PXK: variants seen among roughly 807,000 people sequenced by gnomAD.
The protein encoded by PXK is PX domain containing serine/threonine kinase like.
PXK carries 35 observed loss-of-function variants against 84.7 expected under a neutral mutation model. That is an observed-to-expected ratio of 0.41 (90% CI 0.32 to 0.55). The LOEUF (loss-of-function observed/expected upper bound fraction) is 0.55, where lower values mean the gene tolerates loss of function less well. Ranked by LOEUF, PXK falls within the 20% of genes least tolerant of loss-of-function variation. The pLI is 0.21. For synonymous variants in PXK, 253 were observed against 260.8 expected (o/e 0.97, Z 0.29); for missense variants, 634 against 699.7 (o/e 0.91, Z 1.06).
intron 13 of PXK, among the ~76,000 whole-genome samples, chr3:58,408,540 T>C (rs996305162): frequency 1.4e-5 from 2 of 145,942 alleles, no homozygotes; most frequent in African/African-American, 4.9e-5. Context: ...TTTTTTTTTT[T>C]GAGATGGAGT....
At position 58,348,370 on chromosome 3, in the gene PXK, T is replaced by C. The variant is rs554494417; in HGVS notation, c.102+15280T>C. On this transcript the variant is annotated intron_variant, in intron 1 of 17. Transcript: ENST00000356151. ...CCTTCTGAACCACAGAACCAGACAA[T>C]GATTTGTGTGACCGTTTTCTCAGTT... Among the ~76,000 whole-genome samples the C allele has an allele frequency of 1.3e-4, 20 of 152,280 alleles. No individual in the cohort carries two copies. The South Asian group carries it at 4.1e-3, about 32-fold the overall frequency.
Position 58,397,779 on chromosome 3 carries a change from T to A in PXK, c.1102+57T>A. ...CCCTAGTAGTGTGCAGAGCCACTCATCCCCTTTCCAGAGTCCAGGAAAGAC... is the reference window on the plus strand; with the variant it reads ...CCCTAGTAGTGTGCAGAGCCACTCAACCCCTTTCCAGAGTCCAGGAAAGAC... On this transcript the variant is annotated intron_variant, in intron 11 of 17. Coordinates refer to ENST00000356151, the MANE Select transcript of PXK (RefSeq NM_017771.5). This position sits in a 1 kb window ranked among gnomAD's most constrained non-coding sequence, Gnocchi z 4.7. The A allele has an allele frequency of 7.2e-7, 1 of 1,393,560 alleles. No individual in the cohort carries two copies. Among genetic ancestry groups the A allele is most frequent in the Non-Finnish European group, 1.0e-6 (1 of 984,500 alleles). The allele number at this position is 1,393,560 out of a possible 1,614,324, so 86.3% of individuals were successfully genotyped here. A position where few individuals can be genotyped will look rare whatever the true frequency, so the allele number is the denominator to read the frequency against.
At chr3:58,341,120 T>C (rs1308921343) in intron 1 of PXK, among the ~76,000 whole-genome samples, 1 of 152,124 alleles carries the variant, frequency 6.6e-6, no homozygotes, top group African/African-American at 2.4e-5. Flanking sequence ...ACTTTTGACT[T>C]AGGAGTATGG....
intron 13 of PXK, 32 bp from the exon 14 acceptor site, chr3:58,408,892 T>C (rs1294027510): frequency 6.7e-7 from 1 of 1,485,532 alleles, no homozygotes. Context: ...GCCACCTTTT[T>C]CAATAGATGA....
intron 3 of PXK, among the ~76,000 whole-genome samples, chr3:58,380,054 T>C (rs558640047): frequency 2.6e-5 from 4 of 151,652 alleles, no homozygotes; most frequent in African/African-American, 7.3e-5. Flanking sequence ...ATTGAAAAAA[T>C]AGGAGTTTCA....
rs2058209514 is a variant in PXK, at chr3:58,399,325, T to C, written c.1129T>C (p.Cys377Arg). The C allele has an allele frequency of 1.2e-6, 2 of 1,614,072 alleles. No individual in the cohort carries two copies. Among genetic ancestry groups the C allele is most frequent in the Admixed American group, 1.7e-5 (1 of 60,002 alleles). The part of the protein sequence containing the change: ...VVAVLESTLS[C>R]EACKNGMPTI... ...GGCCGTGTTGGAGTCTACGCTGTCTTGTGAAGCCTGTAAAAATGGCATGCC... is the reference window on the plus strand; with the variant it reads ...GGCCGTGTTGGAGTCTACGCTGTCTCGTGAAGCCTGTAAAAATGGCATGCC... Residue 377 changes from cysteine to arginine, a missense_variant, in exon 12 of 18, where the codon TGT becomes CGT. Physicochemically the swap from Cys to Arg is radical, Grantham distance 180. Coordinates refer to ENST00000356151, the MANE Select transcript of PXK (RefSeq NM_017771.5). The surrounding 1 kb of genome is among the most constrained non-coding windows in gnomAD (Gnocchi z 4.3).
Position 58,332,915 on chromosome 3 carries a change from C to G in PXK, c.-74C>G, listed in dbSNP as rs553329648. On this transcript the variant is annotated 5_prime_UTR_variant, in exon 1 of 18. Transcript: ENST00000356151. The surrounding 1 kb of genome is among the most constrained non-coding windows in gnomAD (Gnocchi z 5.6). ...GTGTTGACAGCGGCGGCGGTGGAAC[C>G]GGGCGGGCGGCGGGAGTCGGCGCCT... The G allele has an allele frequency of 2.0e-6, 2 of 988,832 alleles. No individual in the cohort carries two copies. Among genetic ancestry groups the G allele is most frequent in the Non-Finnish European group, 1.3e-6 (1 of 771,144 alleles). 61.3% of individuals were successfully genotyped at this position (988,832 alleles called of 1,614,324 possible).
chr3:58,344,238 T>C (rs915107147), intron 1 of PXK, among the ~76,000 whole-genome samples: 1 of 152,248 alleles, frequency 6.6e-6, no homozygotes, highest in African/African-American at 2.4e-5. Flanking sequence ...TTTATTACTG[T>C]TGTATTTGCC....
Position 58,382,683 on chromosome 3 carries a change from A to G in PXK, c.371A>G (p.Tyr124Cys). The change falls in exon 4 of 18, where the codon TAT becomes TGT. Residue 124 changes from tyrosine to cysteine, a missense_variant. Coordinates refer to ENST00000356151, the MANE Select transcript of PXK (RefSeq NM_017771.5). ...LVKKFLDPNN[Y>C]SANYTEIALQ... is the part of the protein sequence containing the mutation. Reference sequence around the variant, plus strand: ...AAGAAGTTTTTAGATCCAAACAACTATTCCGCAAACTATACTGGTAAGCGA... The same window carrying G: ...AAGAAGTTTTTAGATCCAAACAACTGTTCCGCAAACTATACTGGTAAGCGA... The G allele has an allele frequency of 2.5e-6, 4 of 1,578,334 alleles. No homozygotes were observed. The highest frequency in any genetic ancestry group is 3.4e-6 in the Non-Finnish European group (4 of 1,167,436).
intron 2 of PXK, among the ~76,000 whole-genome samples, chr3:58,369,204 C>T (rs1323070243): frequency 6.6e-6 from 1 of 152,192 alleles, no homozygotes; most frequent in African/African-American, 2.4e-5. Context: ...GTGAATTTGA[C>T]AGGTATTAAC....
intron 4 of PXK, among the ~76,000 whole-genome samples, chr3:58,389,011 G>A (rs1183121755): frequency 1.3e-5 from 2 of 152,174 alleles, no homozygotes; most frequent in African/African-American, 2.4e-5. Context: ...GCAATGAGGG[G>A]AAATGGCAAA....
At position 58,424,695 on chromosome 3, in the gene PXK, C is replaced by T. The variant is rs369119469; in HGVS notation, c.1529-57C>T. Reference sequence around the variant, plus strand: ...CGTTGTGCTCAGGACTGAGCAGCAGCGTGTGTGCAGGGCAGCTGTGGAGGT... The same window carrying T: ...CGTTGTGCTCAGGACTGAGCAGCAGTGTGTGTGCAGGGCAGCTGTGGAGGT... On this transcript the variant is annotated intron_variant, in intron 17 of 17. Transcript: ENST00000356151. The T allele has an allele frequency of 3.8e-4, 605 of 1,573,732 alleles. 2 individuals are homozygous for T. In the Middle Eastern group the frequency reaches 4.7e-3, roughly 12 times the overall value.
At chr3:58,339,656 C>G (rs1267592176) in intron 1 of PXK, among the ~76,000 whole-genome samples, 3 of 152,108 alleles carry the variant, frequency 2.0e-5, no homozygotes, top group South Asian at 2.1e-4. Flanking sequence ...GAGTACCTGA[C>G]TATAATTACT....
At position 58,421,183 on chromosome 3, in the gene PXK, C is replaced by A. The variant is rs1442780081; in HGVS notation, c.1529-3569C>A. The A allele has an allele frequency of 1.0e-6, 1 of 985,248 alleles. No individual in the cohort carries two copies. Among genetic ancestry groups the A allele is most frequent in the African/African-American group, 1.7e-5 (1 of 57,208 alleles). The allele number at this position is 985,248 out of a possible 1,614,324, so 61.0% of individuals were successfully genotyped here. A position where few individuals can be genotyped will look rare whatever the true frequency, so the allele number is the denominator to read the frequency against. ...AAGTCTGGTGTTACCCTAGTGTGGT[C>A]TCATGGCCACTTGGCCTCCCTTCCT... On this transcript the variant is annotated intron_variant, in intron 17 of 17. Transcript: ENST00000356151. This position sits in a 1 kb window ranked among gnomAD's most constrained non-coding sequence, Gnocchi z 5.5.
intron 3 of PXK, among the ~76,000 whole-genome samples, chr3:58,377,605 T>TAA (rs536644701): frequency 8.5e-6 from 1 of 118,150 alleles, no homozygotes; most frequent in Admixed American, 8.8e-5. Context: ...TATCTCTTTC[T>TAA]AAAAAAAAAA....
chr3:58,384,732 A>G (rs2098537039), intron 4 of PXK, among the ~76,000 whole-genome samples: 1 of 152,176 alleles, frequency 6.6e-6, no homozygotes, highest in African/African-American at 2.4e-5. Context: ...TCCTGAGGGC[A>G]AGCATCAAGG....
Position 58,426,108 on chromosome 3 carries a change from TAAG to T in PXK, c.*1149_*1151del, listed in dbSNP as rs2062781109. 6.6e-6 allele frequency: 1 copy of T among 152,264 alleles called. No homozygotes were observed. The highest frequency in any genetic ancestry group is 1.5e-5 in the Non-Finnish European group (1 of 68,050). 9.4% of individuals were successfully genotyped at this position (152,264 alleles called of 1,614,324 possible). A position where few individuals can be genotyped will look rare whatever the true frequency, so the allele number is the denominator to read the frequency against. ...TAGCAAAGAATAGATTCACACAGTC[TAAG>T]GTTTCCTTCCTACCTATCCTGTCTC... On this transcript the variant is annotated 3_prime_UTR_variant, in exon 18 of 18. Transcript: ENST00000356151.
At chr3:58,342,287 A>C (rs1364310976) in intron 1 of PXK, among the ~76,000 whole-genome samples, 1 of 151,746 alleles carries the variant, frequency 6.6e-6, no homozygotes, top group Non-Finnish European at 1.5e-5. Context: ...GAACTCTCAG[A>C]ACCTCACTGA....
Position 58,410,140 on chromosome 3 carries a change from C to T in PXK, c.1446C>T (p.Tyr482=), listed in dbSNP as rs1236715124. Residue 482 remains tyrosine (Y), a synonymous_variant, in exon 16 of 18, where the codon TAC becomes TAT. Coordinates refer to ENST00000356151, the MANE Select transcript of PXK (RefSeq NM_017771.5). The part of the protein sequence containing the change: ...LENSEEHSAK[Y]SNSNNSAGSG... Reference sequence around the variant, plus strand: ...ATAGTGAAGAGCATTCAGCGAAGTACAGCAACTCCAATAATTCAGGTAACT... The same window carrying T: ...ATAGTGAAGAGCATTCAGCGAAGTATAGCAACTCCAATAATTCAGGTAACT... 6.3e-7 allele frequency: 1 copy of T among 1,594,798 alleles called. No individual in the cohort carries two copies. The highest frequency in any genetic ancestry group is 1.1e-5 in the South Asian group (1 of 90,712).
Sources: allele counts gnomAD v4.1 joint callset (sites outside exome capture counted in the v4.1 genomes callset), GRCh38; gene constraint gnomAD v4.1.1; non-coding constraint Gnocchi (gnomAD v3.1); transcripts MANE v1.5; gene names NCBI Gene and HGNC (gene_info 2026-07-23, HGNC 2026-07-21).